Variants in ALK observed in about 807,000 individuals in gnomAD.
ALK encodes the protein ALK receptor tyrosine kinase.
In ALK, 74 loss-of-function variants were observed where a neutral mutation model predicts 163.1. The ratio of observed to expected loss-of-function variants is 0.45; its 90% CI spans 0.38 to 0.55. The LOEUF (loss-of-function observed/expected upper bound fraction) is 0.55. ALK is among the 20% of genes least tolerant of loss of function. The probability of loss-of-function intolerance (pLI) is 0.00; values close to 1 mark genes in which losing one functional copy is unlikely to be tolerated. For synonymous variants in ALK, 960 were observed against 843.2 expected (o/e 1.14, Z -2.40); for missense variants, 2,063 against 2,105.3 (o/e 0.98, Z 0.39).
intron 12 of ALK, among the ~76,000 whole-genome samples, chr2:29,241,461 G>A (rs966460385): frequency 6.6e-6 from 1 of 151,998 alleles, no homozygotes; most frequent in Admixed American, 6.6e-5. Context: ...AATAAGGGTC[G>A]TCAGGTGCTT....
At chr2:29,882,645 G>C (rs985350838) in intron 1 of ALK, among the ~76,000 whole-genome samples, 2 of 152,306 alleles carry the variant, frequency 1.3e-5, no homozygotes, top group African/African-American at 4.8e-5. Flanking sequence ...AGGGAGCCGA[G>C]ATTGCGCCAC....
intron 4 of ALK, among the ~76,000 whole-genome samples, chr2:29,491,351 A>G (rs1424355742): frequency 6.6e-6 from 1 of 152,174 alleles, no homozygotes; most frequent in Non-Finnish European, 1.5e-5. Flanking sequence ...CTCAGTAAGT[A>G]TGCGTTGATT....
At position 29,275,510 on chromosome 2, in the gene ALK, G is replaced by C; in HGVS notation, c.1818-14C>G. On this transcript the variant is annotated splice_polypyrimidine_tract_variant and intron_variant, in intron 9 of 28. Transcript: ENST00000389048. ...TGCAGCCAGAACCTGTACACATCAA[G>C]AGGAATGTGTGTGAGGAGCAAACTG... The C allele has an allele frequency of 6.2e-7, 1 of 1,613,112 alleles. No individual in the cohort carries two copies. The highest frequency in any genetic ancestry group is 8.5e-7 in the Non-Finnish European group (1 of 1,179,170).
At chr2:29,897,055 C>T (rs1353628820) in intron 1 of ALK, among the ~76,000 whole-genome samples, 1 of 152,212 alleles carries the variant, frequency 6.6e-6, no homozygotes, top group Non-Finnish European at 1.5e-5. Flanking sequence ...CGCGGTGGCT[C>T]ATGCCTGTAA....
intron 4 of ALK, among the ~76,000 whole-genome samples, chr2:29,457,058 C>T (rs1474387467): frequency 1.3e-5 from 2 of 152,154 alleles, no homozygotes; most frequent in East Asian, 3.8e-4. Context: ...GCCTTAAAAA[C>T]AAACAGCTTC....
chr2:29,358,316 A>G (rs1468929301), intron 5 of ALK, among the ~76,000 whole-genome samples: 1 of 152,266 alleles, frequency 6.6e-6, no homozygotes, highest in African/African-American at 2.4e-5. Flanking sequence ...GATGACTGAA[A>G]AAGGTGATCA....
At chr2:29,852,471 T>G (rs1222767814) in intron 1 of ALK, among the ~76,000 whole-genome samples, 1 of 152,110 alleles carries the variant, frequency 6.6e-6, no homozygotes, top group Admixed American at 6.5e-5. Context: ...TTCAAAGGTG[T>G]GGGGAAGGGC....
intron 1 of ALK, among the ~76,000 whole-genome samples, chr2:29,749,970 C>G (rs1680309792): frequency 6.6e-6 from 1 of 152,192 alleles, no homozygotes; most frequent in African/African-American, 2.4e-5. Flanking sequence ...ATCTCAAGAG[C>G]AGCATTAGCC....
chr2:29,227,978 G>A lies in ALK; in HGVS notation c.2816-306C>T, dbSNP rs1295761223. ...AAAAAGTTCTAGTCTTTCCAGGCTG[G>A]GATATGCCCATGGTGCCTCTCCCAG... On this transcript the variant is annotated intron_variant, in intron 16 of 28. Coordinates refer to ENST00000389048, the MANE Select transcript of ALK (RefSeq NM_004304.5). The surrounding 1 kb of genome is among the most constrained non-coding windows in gnomAD (Gnocchi z 4.4). 6.6e-6 allele frequency among the ~76,000 whole-genome samples: 1 copy of A among 152,170 alleles called. No homozygotes were observed. The highest frequency in any genetic ancestry group is 1.5e-5 in the Non-Finnish European group (1 of 68,026).
chr2:29,484,098 A>AC (rs1192168962), intron 4 of ALK, among the ~76,000 whole-genome samples: 1 of 152,010 alleles, frequency 6.6e-6, no homozygotes, highest in Non-Finnish European at 1.5e-5. Flanking sequence ...AAAAAACCAC[A>AC]CCCATGATTC....
chr2:29,842,111 T>G (rs754785919), intron 1 of ALK, among the ~76,000 whole-genome samples: 1 of 151,958 alleles, frequency 6.6e-6, no homozygotes, highest in African/African-American at 2.4e-5. Context: ...AAACCAATTT[T>G]CATCAGAAGC....
At chr2:29,482,144 G>A (rs956530299) in intron 4 of ALK, among the ~76,000 whole-genome samples, 7 of 152,140 alleles carry the variant, frequency 4.6e-5, no homozygotes, top group African/African-American at 1.2e-4. Context: ...GACCAGTACC[G>A]GGAATGAAAA....
chr2:29,328,612 C>T (rs1667347050), intron 5 of ALK, 131 bp from the exon 6 acceptor site: 1 of 1,241,628 alleles, frequency 8.1e-7, no homozygotes, highest in Admixed American at 1.9e-5. Flanking sequence ...ACTCCAAGGC[C>T]TGATTGAGAC....
At chr2:29,641,442 T>C (rs1030376258) in intron 3 of ALK, among the ~76,000 whole-genome samples, 11 of 152,120 alleles carry the variant, frequency 7.2e-5, no homozygotes, top group Non-Finnish European at 1.6e-4. Flanking sequence ...GTCCAGTACA[T>C]TGTGAGTTGG....
chr2:29,390,815 C>T (rs528991869), intron 4 of ALK, among the ~76,000 whole-genome samples: 30 of 152,284 alleles, frequency 2.0e-4, no homozygotes, highest in African/African-American at 5.3e-4. Flanking sequence ...TCCTTTGTTG[C>T]TTATTAATTT....
chr2:29,849,963 G>A lies in ALK; in HGVS notation c.667+70030C>T, dbSNP rs1330329857. Among the ~76,000 whole-genome samples, 30 of 152,280 alleles carry A rather than the reference G, an allele frequency of 2.0e-4. 1 individual carries two copies. Among genetic ancestry groups the A allele is most frequent in the African/African-American group, 6.5e-4 (27 of 41,552 alleles). On this transcript the variant is annotated intron_variant, in intron 1 of 28. Coordinates refer to ENST00000389048, the MANE Select transcript of ALK (RefSeq NM_004304.5). ...CATACAACAGAGTACAACAGTTTTAGAGGAGAGGAAATTAGTGACAATAAG... is the reference window on the plus strand; with the variant it reads ...CATACAACAGAGTACAACAGTTTTAAAGGAGAGGAAATTAGTGACAATAAG...
intron 3 of ALK, among the ~76,000 whole-genome samples, chr2:29,535,313 T>C (rs1673223924): frequency 1.3e-5 from 2 of 152,254 alleles, no homozygotes; most frequent in South Asian, 4.1e-4. Context: ...TGATTAAATA[T>C]GAAATGATTT....
At chr2:29,885,728 G>C (rs887057604) in intron 1 of ALK, among the ~76,000 whole-genome samples, 2 of 152,144 alleles carry the variant, frequency 1.3e-5, no homozygotes, top group Non-Finnish European at 2.9e-5. Flanking sequence ...AGAAGAAGCA[G>C]TTCCAGAAAA....
rs113214208 is a variant in ALK at position 29,244,141 on chromosome 2, C to T, written c.2205-4311G>A. The stretch of plus-strand genomic sequence containing the variant: ...GATCTTGCGGGAGAGAGTGGACTGC[C>T]GCTCAGAAAAACAGAAGCACCCCAT... On this transcript the variant is annotated intron_variant, in intron 12 of 28. Coordinates refer to ENST00000389048, the MANE Select transcript of ALK (RefSeq NM_004304.5). 6.2e-3 allele frequency among the ~76,000 whole-genome samples: 946 copies of T among 152,290 alleles called. 12 individuals carry two copies. The highest frequency in any genetic ancestry group is 0.022 in the African/African-American group (902 of 41,566).
Sources: allele counts gnomAD v4.1 joint callset (sites outside exome capture counted in the v4.1 genomes callset), GRCh38; gene constraint gnomAD v4.1.1; non-coding constraint Gnocchi (gnomAD v3.1); transcripts MANE v1.5; gene names NCBI Gene and HGNC (gene_info 2026-07-23, HGNC 2026-07-21).